Variants in TNRC6A observed in about 807,000 individuals in gnomAD.
The protein encoded by TNRC6A is trinucleotide repeat containing adaptor 6A.
Under a neutral mutation model 221.2 loss-of-function variants are expected in TNRC6A, and 44 were observed. The observed-to-expected ratio is 0.20, with a 90% CI of 0.16 to 0.26. TNRC6A has a LOEUF of 0.26. Ranked by LOEUF, TNRC6A falls within the 10% of genes least tolerant of loss-of-function variation. TNRC6A has a pLI of 1.00. For synonymous variants in TNRC6A, 847 were observed against 838.5 expected (o/e 1.01, Z -0.18); for missense variants, 2,199 against 2,404.4 (o/e 0.91, Z 1.79).
chr16:24,815,486 C>G (rs2058637550), intron 19 of TNRC6A, 181 bp downstream of exon 19: 2 of 678,300 alleles, frequency 2.9e-6, no homozygotes, highest in Admixed American at 2.2e-5. Context: ...GTGAGTGTGT[C>G]AGCCTGTTAC....
At chr16:24,796,108 A>G in intron 9 of TNRC6A, 169 bp downstream of exon 9, 2 of 618,746 alleles carry the variant, frequency 3.2e-6, no homozygotes, top group Admixed American at 2.9e-5. Flanking sequence ...ACAGTCTAGT[A>G]TGGGGCATTA....
chr16:24,788,978 A>G (rs546032725), intron 5 of TNRC6A, among the ~76,000 whole-genome samples: 1 of 152,250 alleles, frequency 6.6e-6, no homozygotes, highest in South Asian at 2.1e-4. Flanking sequence ...ATATGTTAAC[A>G]ATGTATTCAT....
chr16:24,824,020 C>CA lies in TNRC6A; in HGVS notation c.*216dup, dbSNP rs1371220917. 1.3e-5 allele frequency: 5 copies of CA among 388,330 alleles called. No homozygotes were observed. Among genetic ancestry groups the CA allele is most frequent in the Non-Finnish European group, 2.2e-5 (5 of 223,022 alleles). 24.1% of individuals were successfully genotyped at this position (388,330 alleles called of 1,614,324 possible). A position where few individuals can be genotyped will look rare whatever the true frequency, so the allele number is the denominator to read the frequency against. On this transcript the variant is annotated 3_prime_UTR_variant, in exon 25 of 25. Transcript: ENST00000395799. ...AAGGTATCTACTCTATTTACACTCC[C>CA]AAATAGCGCCATACATGCTAAACCG...
Position 24,791,340 on chromosome 16 carries a change from A to G in TNRC6A, c.2698A>G (p.Asn900Asp). 1 of 1,602,920 alleles carries G rather than the reference A, an allele frequency of 6.2e-7. No individual in the cohort carries two copies. The highest frequency in any genetic ancestry group is 1.1e-5 in the South Asian group (1 of 88,714). The stretch of plus-strand genomic sequence containing the variant: ...TAAAACTAGTTCTTTCACTTGGGGA[A>G]ACAACATAAATCCAAATAATTCATC... ...LGKTSSFTWG[N>D]NINPNNSSGW... The change falls in exon 6 of 25, where the codon AAC (asparagine) becomes GAC (aspartate). Residue 900 changes from asparagine to aspartate, a missense_variant. Asn to Asp is a conservative substitution (Grantham distance 23, BLOSUM62 1). Coordinates refer to ENST00000395799, the MANE Select transcript of TNRC6A (RefSeq NM_014494.4).
intron 2 of TNRC6A, among the ~76,000 whole-genome samples, chr16:24,696,365 A>G (rs1346858748): frequency 6.7e-6 from 1 of 149,934 alleles, no homozygotes; most frequent in East Asian, 2.0e-4. Context: ...AAAAAAAAAA[A>G]AAGAAAGTAT....
intron 2 of TNRC6A, among the ~76,000 whole-genome samples, chr16:24,748,434 G>C (rs1018830714): frequency 6.6e-6 from 1 of 152,098 alleles, no homozygotes; most frequent in South Asian, 2.1e-4. Context: ...CCTGCACACA[G>C]AATTCAAAAG....
Position 24,694,184 on chromosome 16 carries a change from A to G in TNRC6A, n.402+53175A>G, listed in dbSNP as rs369825540. 5.5e-4 allele frequency among the ~76,000 whole-genome samples: 84 copies of G among 152,244 alleles called. 1 individual carries two copies. In the East Asian group the frequency reaches 0.011, roughly 19 times the overall value. On this transcript the variant is annotated intron_variant and non_coding_transcript_variant, in intron 2 of 2. Coordinates refer to the TNRC6A transcript ENST00000566108. The stretch of plus-strand genomic sequence containing the variant: ...GCCTCCCCTCTTACAACACCCAGGG[A>G]AAGTGACAGTGCTTAAGAGGGAAAG...
intron 17 of TNRC6A, among the ~76,000 whole-genome samples, chr16:24,807,728 C>CT (rs201498240): frequency 0.023 from 3,451 of 149,672 alleles, 89 homozygotes; most frequent in Non-Finnish European, 0.032. Flanking sequence ...TCCTAGGTCT[C>CT]TTTTTTTCTT....
intron 2 of TNRC6A, among the ~76,000 whole-genome samples, chr16:24,745,170 C>G (rs1270238158): frequency 1.3e-5 from 2 of 152,178 alleles, no homozygotes; most frequent in Non-Finnish European, 2.9e-5. Flanking sequence ...TGCAAAACTT[C>G]ATTTTATCCT....
At chr16:24,746,606 G>C (rs10492798) in intron 2 of TNRC6A, among the ~76,000 whole-genome samples, 6,294 of 152,216 alleles carry the variant, frequency 0.041, 191 homozygotes, top group Non-Finnish European at 0.064. Flanking sequence ...TCTTTGTACG[G>C]TTCCTTTTTC....
intron 1 of TNRC6A, chr16:24,640,812 G>A (rs1441398082): frequency 6.6e-6 from 1 of 152,146 alleles, no homozygotes; most frequent in Non-Finnish European, 1.5e-5. Context: ...AGGCATCACT[G>A]GTTGTGTCTG....
In TNRC6A at chr16:24,729,684, TCGGCGGCGGCGGCGGCGGCGGCGGCGG is replaced by T. The variant is rs57831728; in HGVS notation, c.-150_-124del. ...TCTGGGGCCTGCGGCGGCGGCGGTG[TCGGCGGCGGCGGCGGCGGCGGCGGCGG>T]CGGCGGCAGCGGGTCGGTGTAGAAA... On this transcript the variant is annotated 5_prime_UTR_variant, in exon 1 of 25. Transcript: ENST00000395799. 12 of 630,184 alleles carry T rather than the reference TCGGCGGCGGCGGCGGCGGCGGCGGCGG, an allele frequency of 1.9e-5. No individual in the cohort carries two copies. In the South Asian group the frequency reaches 2.1e-4, roughly 11 times the overall value. The allele number at this position is 630,184 out of a possible 1,614,324, so 39.0% of individuals were successfully genotyped here.
At chr16:24,800,109 C>A (rs1031112830) in intron 11 of TNRC6A, among the ~76,000 whole-genome samples, 1 of 152,118 alleles carries the variant, frequency 6.6e-6, no homozygotes, top group African/African-American at 2.4e-5. Flanking sequence ...GCCATTGTTG[C>A]GGTTTTTGTT....
Position 24,700,526 on chromosome 16 carries a change from C to T in TNRC6A, n.403-50200C>T, listed in dbSNP as rs544497327. On this transcript the variant is annotated intron_variant and non_coding_transcript_variant, in intron 2 of 2. Coordinates refer to the TNRC6A transcript ENST00000566108. ...TTTTGGGATTATAGGCATGAGCCAC[C>T]GTGCCCAGCCTATGTCTGAATATTA... is the stretch of plus-strand genomic sequence containing the variant. Among the ~76,000 whole-genome samples, 24 of 152,178 alleles carry T rather than the reference C, an allele frequency of 1.6e-4. No individual in the cohort carries two copies. In the South Asian group the frequency reaches 1.7e-3, roughly 11 times the overall value.
At chr16:24,814,554 A>G (rs2058617583) in intron 18 of TNRC6A, among the ~76,000 whole-genome samples, 2 of 151,262 alleles carry the variant, frequency 1.3e-5, no homozygotes, top group Non-Finnish European at 2.9e-5. Context: ...AGCTGGGACT[A>G]CAGGTGCGTG....
chr16:24,642,905 A>G lies in TNRC6A; in HGVS notation n.402+1896A>G, dbSNP rs935057973. 5.3e-5 allele frequency among the ~76,000 whole-genome samples: 8 copies of G among 150,340 alleles called. No individual in the cohort carries two copies. The South Asian group carries it at 1.1e-3, about 20-fold the overall frequency. ...AAAAAATTTTTAAACTTAGCTGGGC[A>G]TGGTTGTGTGTGTCTGTAATCCCAG... On this transcript the variant is annotated intron_variant and non_coding_transcript_variant, in intron 2 of 2. Transcript: ENST00000566108.
intron 1 of TNRC6A, among the ~76,000 whole-genome samples, chr16:24,615,880 A>C (rs965428677): frequency 1.7e-5 from 2 of 116,850 alleles, no homozygotes; most frequent in African/African-American, 6.6e-5. Flanking sequence ...CAACACACAT[A>C]CCCCTACATG....
chr16:24,618,333 G>T (rs1207526773), intron 1 of TNRC6A, among the ~76,000 whole-genome samples: 4 of 152,186 alleles, frequency 2.6e-5, no homozygotes, highest in Non-Finnish European at 5.9e-5. Context: ...TTACCTAGTG[G>T]TATATCCTAT....
intron 21 of TNRC6A, chr16:24,819,507 C>CTTTTTTTTTTTTTTTTTTT (rs71383722): frequency 2.2e-4 from 18 of 81,956 alleles, no homozygotes; most frequent in South Asian, 3.4e-4. Context: ...CTTTTTCTTT[C>CTTTTTTTTTTTTTTTTTTT]TTTTTTTTTT....
Sources: allele counts gnomAD v4.1 joint callset (sites outside exome capture counted in the v4.1 genomes callset), GRCh38; gene constraint gnomAD v4.1.1; transcripts MANE v1.5; gene names NCBI Gene and HGNC (gene_info 2026-07-23, HGNC 2026-07-21).